QTMAN: variants seen among roughly 807,000 people sequenced by gnomAD.
QTMAN encodes the protein tRNA-queuosine alpha-mannosyltransferase.
the QTMAN span, among the ~76,000 whole-genome samples, chr2:144,139,658 T>C: frequency 1.3e-5 from 2 of 152,060 alleles, no homozygotes; most frequent in Non-Finnish European, 2.9e-5. Context: ...ATCTGGTCAT[T>C]GCGAGTGAGG....
At chr2:144,187,205 A>G in the QTMAN span, among the ~76,000 whole-genome samples, 1 of 152,214 alleles carries the variant, frequency 6.6e-6, no homozygotes, top group Non-Finnish European at 1.5e-5. Flanking sequence ...TAATTTTTAA[A>G]GAACAGAAGT....
At chr2:143,950,904 C>G in the QTMAN span, 1 of 151,922 alleles carries the variant, frequency 6.6e-6, no homozygotes, top group East Asian at 1.9e-4. Flanking sequence ...TTATGAGCTA[C>G]CTTCTGAACC....
the QTMAN span, among the ~76,000 whole-genome samples, chr2:143,955,976 C>T: frequency 6.6e-6 from 1 of 152,174 alleles, no homozygotes; most frequent in African/African-American, 2.4e-5. Flanking sequence ...GGTCCATCTG[C>T]CCAGGGCTGT....
the QTMAN span, among the ~76,000 whole-genome samples, chr2:144,277,075 C>T: frequency 6.6e-6 from 1 of 152,078 alleles, no homozygotes; most frequent in Non-Finnish European, 1.5e-5. Context: ...TGAAGTAAGG[C>T]AGACAATAGG....
At chr2:144,082,343 C>T in the QTMAN span, among the ~76,000 whole-genome samples, 1 of 152,164 alleles carries the variant, frequency 6.6e-6, no homozygotes, top group Non-Finnish European at 1.5e-5. Flanking sequence ...CAACATTTGG[C>T]TACCAAAAGC....
At chr2:144,094,514 A>G in the QTMAN span, among the ~76,000 whole-genome samples, 29 of 152,310 alleles carry the variant, frequency 1.9e-4, no homozygotes, top group African/African-American at 6.3e-4. Context: ...ACTTATAATC[A>G]TGGCAGAAGG....
the QTMAN span, among the ~76,000 whole-genome samples, chr2:144,253,287 T>C: frequency 4.6e-5 from 7 of 152,290 alleles, no homozygotes; most frequent in East Asian, 1.4e-3. Context: ...CAGTCTTGGG[T>C]ATTTCTTCAT....
At chr2:144,109,563 A>C in the QTMAN span, among the ~76,000 whole-genome samples, 1 of 152,200 alleles carries the variant, frequency 6.6e-6, no homozygotes, top group Non-Finnish European at 1.5e-5. Context: ...AATTAAACTA[A>C]AGAGCTTCTG....
the QTMAN span, among the ~76,000 whole-genome samples, chr2:144,311,853 GACAGAAAACACCAC>G: frequency 6.6e-6 from 1 of 152,188 alleles, no homozygotes; most frequent in African/African-American, 2.4e-5. Flanking sequence ...GCTCCCTGAG[GACAGAAAACACCAC>G]AGCCATCTTT....
At chr2:144,030,338 G>C in the QTMAN span, among the ~76,000 whole-genome samples, 21 of 152,268 alleles carry the variant, frequency 1.4e-4, no homozygotes, top group African/African-American at 4.8e-4. Flanking sequence ...GCAACCTGCA[G>C]TGGCCTCTCT....
chr2:143,994,192 AT>A, the QTMAN span, among the ~76,000 whole-genome samples: 1 of 152,204 alleles, frequency 6.6e-6, no homozygotes, highest in Non-Finnish European at 1.5e-5. Flanking sequence ...AATTCTGATT[AT>A]GGTGGATAAT....
the QTMAN span, among the ~76,000 whole-genome samples, chr2:143,995,620 C>G: frequency 6.6e-6 from 1 of 152,072 alleles, no homozygotes; most frequent in African/African-American, 2.4e-5. Flanking sequence ...ACTGTGACAG[C>G]CAGGACTTAC....
chr2:144,280,955 C>A, the QTMAN span, among the ~76,000 whole-genome samples: 1 of 151,408 alleles, frequency 6.6e-6, no homozygotes, highest in African/African-American at 2.4e-5. Flanking sequence ...ATGTGCACAA[C>A]GTGCAGGTTT....
chr2:144,208,817 C>CA, the QTMAN span: 2 of 1,458,908 alleles, frequency 1.4e-6, no homozygotes, highest in South Asian at 2.8e-5. Flanking sequence ...AAATAACAAC[C>CA]AAAAAATGTA....
At chr2:144,074,054 T>C in the QTMAN span, among the ~76,000 whole-genome samples, 1 of 152,102 alleles carries the variant, frequency 6.6e-6, no homozygotes, top group African/African-American at 2.4e-5. Context: ...CAAATAGCAA[T>C]AAAGAGAACA....
At chr2:144,027,434 T>C in the QTMAN span, among the ~76,000 whole-genome samples, 5 of 152,142 alleles carry the variant, frequency 3.3e-5, no homozygotes, top group African/African-American at 1.2e-4. Flanking sequence ...ATAAGGCAAA[T>C]GGAAAGATAC....
At chr2:144,110,699 A>C in the QTMAN span, among the ~76,000 whole-genome samples, 7 of 142,454 alleles carry the variant, frequency 4.9e-5, no homozygotes, top group African/African-American at 1.9e-4. Context: ...AAAAAAAAAA[A>C]ACCTTGTGCA....
chr2:144,131,574 C>T, the QTMAN span, among the ~76,000 whole-genome samples: 4 of 151,870 alleles, frequency 2.6e-5, no homozygotes, highest in Admixed American at 2.0e-4. Flanking sequence ...ATTCCTTAGT[C>T]TTAATCCCAT....
chr2:144,317,384 T>TGGACGGAA, the QTMAN span: 4 of 97,356 alleles, frequency 4.1e-5, no homozygotes, highest in Non-Finnish European at 8.4e-5. Flanking sequence ...GAAGGAAGGA[T>TGGACGGAA]GGAAGGAAGG....
Sources: allele counts gnomAD v4.1 joint callset (sites outside exome capture counted in the v4.1 genomes callset), GRCh38; gene constraint gnomAD v4.1.1; transcripts MANE v1.5; gene names NCBI Gene and HGNC (gene_info 2026-07-23, HGNC 2026-07-21).